BCL2: variants seen among roughly 807,000 people sequenced by gnomAD.
The protein encoded by BCL2 is apoptosis regulator Bcl-2.
Under a neutral mutation model 14.2 loss-of-function variants are expected in BCL2, and 1 was observed. The observed-to-expected ratio is 0.07, with a 90% CI of 0.02 to 0.33. The LOEUF (loss-of-function observed/expected upper bound fraction) is 0.33, where lower values mean the gene tolerates loss of function less well. BCL2 is among the 10% of genes least tolerant of loss of function. The probability of loss-of-function intolerance (pLI) is 0.99; values close to 1 mark genes in which losing one functional copy is unlikely to be tolerated. For synonymous variants in BCL2, 151 were observed against 137.2 expected (o/e 1.10, Z -0.70); for missense variants, 247 against 305.9 (o/e 0.81, Z 1.44).
At chr18:63,146,259 C>A (rs549594198) in intron 2 of BCL2, among the ~76,000 whole-genome samples, 84 of 152,306 alleles carry the variant, frequency 5.5e-4, no homozygotes, top group African/African-American at 1.9e-3. Flanking sequence ...AAGTGTTGGC[C>A]GAGTGAAACA....
At chr18:63,280,148 A>G (rs1912268273) in intron 2 of BCL2, among the ~76,000 whole-genome samples, 1 of 152,258 alleles carries the variant, frequency 6.6e-6, no homozygotes, top group Non-Finnish European at 1.5e-5. Context: ...GGAAAATCAT[A>G]AATCAAAAAG....
Position 63,224,445 on chromosome 18 carries a change from A to G in BCL2, c.585+93637T>C, listed in dbSNP as rs148885824. On this transcript the variant is annotated intron_variant, in intron 2 of 2. Coordinates refer to ENST00000333681, the MANE Select transcript of BCL2 (RefSeq NM_000633.3). The stretch of plus-strand genomic sequence containing the variant: ...GGTAAGGCACAGAACATCAAGAATC[A>G]GAACAGTGGCAGCTTTCTGATAGCA... Among the ~76,000 whole-genome samples the G allele has an allele frequency of 1.2e-3, 190 of 152,374 alleles. 1 individual carries two copies. The highest frequency in any genetic ancestry group is 4.0e-3 in the African/African-American group (168 of 41,596).
chr18:63,309,723 T>C (rs930438529), intron 2 of BCL2, among the ~76,000 whole-genome samples: 13 of 152,276 alleles, frequency 8.5e-5, no homozygotes, highest in African/African-American at 2.4e-4. Context: ...AACGCAGCCA[T>C]CCTTCAGTAA....
chr18:63,265,432 G>A (rs1456339978), intron 2 of BCL2, among the ~76,000 whole-genome samples: 1 of 152,136 alleles, frequency 6.6e-6, no homozygotes, highest in Non-Finnish European at 1.5e-5. Flanking sequence ...TAAAGAAATA[G>A]AGATGAAACC....
chr18:63,283,823 A>G (rs1206135209), intron 2 of BCL2, among the ~76,000 whole-genome samples: 1 of 152,222 alleles, frequency 6.6e-6, no homozygotes, highest in East Asian at 1.9e-4. Context: ...TTTGGTTCAG[A>G]GGAAGCAAAG....
rs564499619 is a variant in BCL2 at position 63,135,540 on chromosome 18, A to C, written c.586-6781T>G. On this transcript the variant is annotated intron_variant, in intron 2 of 2. Coordinates refer to ENST00000333681, the MANE Select transcript of BCL2 (RefSeq NM_000633.3). ...CTTTTGGCAGTGAACACTGCCTTTT[A>C]CTTCTCTGAGAAAACTGGGATCATT... 1.2e-4 allele frequency among the ~76,000 whole-genome samples: 19 copies of C among 152,120 alleles called. No homozygotes were observed. The East Asian group carries it at 2.9e-3, about 23-fold the overall frequency.
intron 2 of BCL2, among the ~76,000 whole-genome samples, chr18:63,238,509 T>C (rs2144188447): frequency 6.6e-6 from 1 of 152,370 alleles, no homozygotes. Flanking sequence ...AGTAATTTTG[T>C]TTGCTGGTTA....
At chr18:63,152,203 G>A (rs1914668180) in intron 2 of BCL2, among the ~76,000 whole-genome samples, 2 of 152,184 alleles carry the variant, frequency 1.3e-5, no homozygotes, top group Admixed American at 6.5e-5. Flanking sequence ...CAAGGAGTTT[G>A]TTTATCTAAC....
intron 2 of BCL2, among the ~76,000 whole-genome samples, chr18:63,165,941 G>A (rs1057149792): frequency 6.6e-6 from 1 of 152,272 alleles, no homozygotes; most frequent in African/African-American, 2.4e-5. Flanking sequence ...AATGGGCAGA[G>A]TTCGTTTGCT....
chr18:63,277,877 C>T lies in BCL2; in HGVS notation c.585+40205G>A, dbSNP rs113036238. Among the ~76,000 whole-genome samples, 881 of 152,288 alleles carry T rather than the reference C, an allele frequency of 5.8e-3. 8 individuals are homozygous for T. The highest frequency in any genetic ancestry group is 0.02 in the African/African-American group (840 of 41,552). On this transcript the variant is annotated intron_variant, in intron 2 of 2. Transcript: ENST00000333681. ...AGGCTCTGTGTGAGATACACTCTAA[C>T]GTGGGGACACGCCACAGTCCTCAGT...
intron 2 of BCL2, among the ~76,000 whole-genome samples, chr18:63,171,053 G>T (rs1211052835): frequency 6.6e-6 from 1 of 152,192 alleles, no homozygotes; most frequent in Non-Finnish European, 1.5e-5. Flanking sequence ...CAGCTTTTAT[G>T]AGATTTTCTT....
intron 2 of BCL2, among the ~76,000 whole-genome samples, chr18:63,164,241 G>T (rs1229883559): frequency 3.9e-5 from 6 of 152,106 alleles, no homozygotes; most frequent in Admixed American, 3.9e-4. Flanking sequence ...CAATCTTTAG[G>T]TAGGCTTGCT....
intron 2 of BCL2, among the ~76,000 whole-genome samples, chr18:63,246,347 C>G (rs186362760): frequency 4.6e-5 from 7 of 152,294 alleles, no homozygotes; most frequent in Non-Finnish European, 8.8e-5. Context: ...TTTAAACTAG[C>G]CTTCCCCCTG....
chr18:63,174,591 G>A (rs1054496513), intron 2 of BCL2, among the ~76,000 whole-genome samples: 2 of 151,940 alleles, frequency 1.3e-5, no homozygotes, highest in African/African-American at 4.8e-5. Context: ...AGGCCGAGGC[G>A]GGTGTATCAC....
chr18:63,208,391 T>C (rs1265219773), intron 2 of BCL2, among the ~76,000 whole-genome samples: 1 of 146,686 alleles, frequency 6.8e-6, no homozygotes, highest in Admixed American at 6.8e-5. Flanking sequence ...TATCCACACG[T>C]TTTTGCTCAT....
rs1599194216 is a variant in BCL2 at position 63,125,120 on chromosome 18, T to A, written c.*3505A>T. Reference sequence around the variant, plus strand: ...GATTATTATAACTCCTCTCGATTTATAATCACTTCCTAATTTTTCCCACTG... The same window carrying A: ...GATTATTATAACTCCTCTCGATTTAAAATCACTTCCTAATTTTTCCCACTG... On this transcript the variant is annotated 3_prime_UTR_variant, in exon 3 of 3. Coordinates refer to ENST00000333681, the MANE Select transcript of BCL2 (RefSeq NM_000633.3). 9.0e-6 allele frequency: 2 copies of A among 221,336 alleles called. No individual in the cohort carries two copies. Among genetic ancestry groups the A allele is most frequent in the East Asian group, 1.3e-4 (2 of 15,240 alleles). The allele number at this position is 221,336 out of a possible 1,614,324, so 13.7% of individuals were successfully genotyped here. A position where few individuals can be genotyped will look rare whatever the true frequency, so the allele number is the denominator to read the frequency against.
intron 2 of BCL2, among the ~76,000 whole-genome samples, chr18:63,261,316 G>A (rs1056584595): frequency 3.9e-5 from 6 of 152,126 alleles, no homozygotes; most frequent in Non-Finnish European, 7.3e-5. Flanking sequence ...TTCCTCTCCT[G>A]GAGGAAGAAA....
intron 2 of BCL2, among the ~76,000 whole-genome samples, chr18:63,229,963 A>G (rs1910647225): frequency 6.6e-6 from 1 of 152,188 alleles, no homozygotes; most frequent in Non-Finnish European, 1.5e-5. Flanking sequence ...CATCTCTATG[A>G]AATTGACAGC....
At chr18:63,280,543 A>G in intron 2 of BCL2, among the ~76,000 whole-genome samples, 1 of 152,246 alleles carries the variant, frequency 6.6e-6, no homozygotes, top group East Asian at 1.9e-4. Context: ...TTTCTCTAAA[A>G]ACAAGATAAA....
Sources: gnomAD v4.1 joint callset for allele counts (sites outside exome capture counted in the v4.1 genomes callset) on GRCh38, gnomAD v4.1.1 for gene constraint, MANE v1.5 for transcripts, NCBI Gene and HGNC (gene_info 2026-07-23, HGNC 2026-07-21) for gene names.